CNTLN: variants seen among roughly 807,000 people sequenced by gnomAD.
CNTLN encodes centlein, centrosomal protein.
In CNTLN, 212 loss-of-function variants were observed where a neutral mutation model predicts 180.0. The observed-to-expected ratio is 1.18, with a 90% CI of 1.05 to 1.32. The LOEUF is 1.32. Ranked by LOEUF, CNTLN falls within the 40% of genes most tolerant of loss-of-function variation. CNTLN has a pLI of 0.00. For missense variants in CNTLN, 2,095 were observed against 1,610.9 expected, an observed-to-expected ratio of 1.30 and a Z score of -5.14; for synonymous variants, 722 against 563.1, an observed-to-expected ratio of 1.28 and a Z score of -3.99.
chr9:17,347,852 G>T (rs1822035993), intron 12 of CNTLN, among the ~76,000 whole-genome samples: 1 of 151,858 alleles, frequency 6.6e-6, no homozygotes, highest in African/African-American at 2.4e-5. Context: ...TATTTTTTGA[G>T]ACAGAGTCTC....
At chr9:17,522,297 G>A in the CNTLN span, among the ~76,000 whole-genome samples, 1 of 152,082 alleles carries the variant, frequency 6.6e-6, no homozygotes, top group Admixed American at 6.5e-5. Context: ...TTGTCGAGCT[G>A]TGTATCAGGC....
intron 18 of CNTLN, among the ~76,000 whole-genome samples, chr9:17,435,881 C>T (rs769967028): frequency 5.9e-5 from 9 of 152,006 alleles, no homozygotes; most frequent in African/African-American, 1.5e-4. Flanking sequence ...TCCTTTTTTA[C>T]GGGCACACTT....
intron 22 of CNTLN, 69 bp downstream of exon 22, chr9:17,466,187 T>G (rs1831737219): frequency 7.0e-7 from 1 of 1,427,676 alleles, no homozygotes; most frequent in African/African-American, 1.4e-5. Flanking sequence ...TTTTTAACAT[T>G]GTTGCTTTTT....
intron 8 of CNTLN, among the ~76,000 whole-genome samples, chr9:17,315,612 C>T (rs2132982821): frequency 6.6e-6 from 1 of 152,098 alleles, no homozygotes; most frequent in East Asian, 1.9e-4. Context: ...CAATTACACA[C>T]ATATTAGACC....
At position 17,487,613 on chromosome 9, in the gene CNTLN, A is replaced by G. The variant is rs1832956144; in HGVS notation, c.4119+547A>G. Among the ~76,000 whole-genome samples the G allele has an allele frequency of 1.3e-5, 2 of 152,160 alleles. 1 individual carries two copies. The highest frequency in any genetic ancestry group is 4.1e-4 in the South Asian group (2 of 4,830). On this transcript the variant is annotated intron_variant, in intron 25 of 25. Transcript: ENST00000380647. ...CATCCTGTCAATGCAGAAAGAATGA[A>G]AAAATTTCCACCAGAGGCCCCTCAA... is the stretch of plus-strand genomic sequence containing the variant.
chr9:17,488,633 G>A (rs994704532), intron 25 of CNTLN, among the ~76,000 whole-genome samples: 3 of 151,986 alleles, frequency 2.0e-5, no homozygotes, highest in African/African-American at 7.2e-5. Context: ...ACGTGGAGAG[G>A]TATATACATA....
chr9:17,367,909 C>G (rs1191559918), intron 13 of CNTLN, among the ~76,000 whole-genome samples: 1 of 151,752 alleles, frequency 6.6e-6, no homozygotes, highest in Non-Finnish European at 1.5e-5. Flanking sequence ...AGGTGAAACC[C>G]AGGGCATCCC....
chr9:17,290,041 G>A (rs1209744097), intron 6 of CNTLN, among the ~76,000 whole-genome samples: 3 of 152,078 alleles, frequency 2.0e-5, no homozygotes, highest in Admixed American at 1.3e-4. Context: ...GCTTTTTTCC[G>A]TTGCTGGTGA....
chr9:17,209,728 T>G (rs1014570353), intron 2 of CNTLN, among the ~76,000 whole-genome samples: 1 of 152,236 alleles, frequency 6.6e-6, no homozygotes, highest in African/African-American at 2.4e-5. Context: ...GTATAGCTAC[T>G]CATACTCATT....
At chr9:17,302,109 C>T (rs1587581002) in intron 7 of CNTLN, 1 of 760,158 alleles carries the variant, frequency 1.3e-6, no homozygotes. Flanking sequence ...CACACACACA[C>T]ACACACACAC....
At chr9:17,459,187 C>G (rs935315171) in intron 19 of CNTLN, among the ~76,000 whole-genome samples, 1 of 151,760 alleles carries the variant, frequency 6.6e-6, no homozygotes, top group African/African-American at 2.4e-5. Context: ...TTTACATAAA[C>G]AGTTTTTAGT....
intron 2 of CNTLN, among the ~76,000 whole-genome samples, chr9:17,155,535 A>G (rs1372423852): frequency 1.3e-5 from 2 of 152,120 alleles, no homozygotes; most frequent in African/African-American, 2.4e-5. Context: ...CCCAGTTCGA[A>G]CTTCCCAGCA....
chr9:17,174,277 T>C (rs1431907975), intron 2 of CNTLN, among the ~76,000 whole-genome samples: 3 of 152,228 alleles, frequency 2.0e-5, no homozygotes, highest in Non-Finnish European at 4.4e-5. Context: ...TTGACTATTA[T>C]GAATTAGTTG....
intron 12 of CNTLN, among the ~76,000 whole-genome samples, chr9:17,350,251 G>C (rs571165472): frequency 6.6e-6 from 1 of 152,280 alleles, no homozygotes; most frequent in African/African-American, 2.4e-5. Context: ...GCATGTTTTT[G>C]CTAGGAATCC....
At chr9:17,411,601 G>A (rs889794524) in intron 16 of CNTLN, among the ~76,000 whole-genome samples, 34 of 152,280 alleles carry the variant, frequency 2.2e-4, no homozygotes, top group African/African-American at 7.7e-4. Context: ...AGAGGTGGGT[G>A]AGCCATTGTT....
chr9:17,453,114 CCA>C (rs1400728261), intron 18 of CNTLN, among the ~76,000 whole-genome samples: 2 of 152,012 alleles, frequency 1.3e-5, no homozygotes, highest in Non-Finnish European at 2.9e-5. Context: ...GAGTTCGAGA[CCA>C]GGCTGGGCAA....
intron 15 of CNTLN, among the ~76,000 whole-genome samples, chr9:17,405,506 T>A (rs1301078759): frequency 6.6e-6 from 1 of 151,726 alleles, no homozygotes; most frequent in Admixed American, 6.6e-5. Context: ...CAAATTTGCT[T>A]TTATAACAAG....
intron 7 of CNTLN, among the ~76,000 whole-genome samples, chr9:17,306,993 A>C (rs1818761549): frequency 6.6e-6 from 1 of 152,162 alleles, no homozygotes; most frequent in African/African-American, 2.4e-5. Flanking sequence ...TGAGAGCAGC[A>C]GCACAGTACA....
intron 2 of CNTLN, among the ~76,000 whole-genome samples, chr9:17,212,633 C>G (rs1823411356): frequency 6.6e-6 from 1 of 152,136 alleles, no homozygotes; most frequent in Admixed American, 6.5e-5. Flanking sequence ...AGGAATGGTA[C>G]CAGCTCCTCC....
Sources: gnomAD v4.1 joint callset for allele counts (sites outside exome capture counted in the v4.1 genomes callset) on GRCh38, gnomAD v4.1.1 for gene constraint, MANE v1.5 for transcripts, NCBI Gene and HGNC (gene_info 2026-07-23, HGNC 2026-07-21) for gene names.